Variants in MRAS observed in about 807,000 individuals in gnomAD.
The protein encoded by MRAS is ras-related protein M-Ras.
Under a neutral mutation model 20.9 loss-of-function variants are expected in MRAS, and 4 were observed. The observed-to-expected ratio is 0.19, with a 90% CI of 0.09 to 0.44. The LOEUF is 0.44. Among genes scored for constraint, MRAS ranks in the 20% least tolerant of loss-of-function variants. MRAS has a pLI of 0.99. For missense variants in MRAS, 154 were observed against 277.5 expected (o/e 0.56, Z 3.16); for synonymous variants, 98 against 102.9 (o/e 0.95, Z 0.29).
At chr3:138,400,415 C>CTTCTGTGGG in intron 4 of MRAS, 119 bp from the exon 5 acceptor site, 2 of 824,106 alleles carry the variant, frequency 2.4e-6, no homozygotes, top group Non-Finnish European at 4.1e-6. Flanking sequence ...GGGGCTGGGG[C>CTTCTGTGGG]TTCTGTGGGG....
chr3:138,376,091 T>A (rs543709421), intron 2 of MRAS, among the ~76,000 whole-genome samples: 1 of 152,232 alleles, frequency 6.6e-6, no homozygotes, highest in Non-Finnish European at 1.5e-5. Flanking sequence ...TGTATCTCAA[T>A]TTTAAAAAGC....
At chr3:138,371,205 G>A (rs1207454662) in intron 1 of MRAS, among the ~76,000 whole-genome samples, 1 of 152,172 alleles carries the variant, frequency 6.6e-6, no homozygotes. Flanking sequence ...AGCAAAGCTT[G>A]TACTTCTCCG....
chr3:138,394,294 C>T (rs6791607), intron 2 of MRAS, among the ~76,000 whole-genome samples: 19 of 152,156 alleles, frequency 1.2e-4, no homozygotes, highest in African/African-American at 4.1e-4. Context: ...CCCCTCATTT[C>T]CTACATGAGA....
At chr3:138,380,387 A>G (rs930789824) in intron 2 of MRAS, among the ~76,000 whole-genome samples, 1 of 151,834 alleles carries the variant, frequency 6.6e-6, no homozygotes, top group African/African-American at 2.4e-5. Flanking sequence ...ATCTCGGTTC[A>G]CTGCAACCTC....
intron 1 of MRAS, among the ~76,000 whole-genome samples, chr3:138,370,455 A>G (rs2054651140): frequency 3.3e-5 from 5 of 152,132 alleles, no homozygotes; most frequent in Admixed American, 3.3e-4. Flanking sequence ...GAGAGAGGCC[A>G]CTGGGCCACC....
chr3:138,367,116 G>A (rs557704869), intron 1 of MRAS, among the ~76,000 whole-genome samples: 53 of 152,300 alleles, frequency 3.5e-4, no homozygotes, highest in African/African-American at 1.3e-3. Context: ...GTCCTATGCA[G>A]TGTGGATGCC....
intron 4 of MRAS, 25 bp from the exon 5 acceptor site, chr3:138,400,509 G>T: frequency 1.3e-6 from 2 of 1,589,162 alleles, no homozygotes; most frequent in South Asian, 2.2e-5. Context: ...GTGCCACTTT[G>T]ATCAAGTTGA....
At chr3:138,373,782 G>A (rs2054723013) in intron 2 of MRAS, among the ~76,000 whole-genome samples, 2 of 152,290 alleles carry the variant, frequency 1.3e-5, no homozygotes, top group African/African-American at 4.8e-5. Flanking sequence ...TCTAGATTTT[G>A]ATTGGGATTG....
chr3:138,400,444 G>A, intron 4 of MRAS, 90 bp from the exon 5 acceptor site: 2 of 1,204,770 alleles, frequency 1.7e-6, no homozygotes, highest in Non-Finnish European at 1.2e-6. Context: ...AAGCACCTGG[G>A]TTCCTCAGAA....
intron 3 of MRAS, 49 bp downstream of exon 3, chr3:138,397,526 C>T: frequency 6.3e-7 from 1 of 1,598,648 alleles, no homozygotes. Flanking sequence ...CTGCGCCTGC[C>T]TCCTAGGGCG....
rs1343820226 is a variant in MRAS at position 138,402,580 on chromosome 3, C to G, written c.*311C>G. 1 of 333,312 alleles carries G rather than the reference C, an allele frequency of 3.0e-6. No homozygotes were observed. The highest frequency in any genetic ancestry group is 5.5e-6 in the Non-Finnish European group (1 of 182,486). The allele number at this position is 333,312 out of a possible 1,614,324, so 20.6% of individuals were successfully genotyped here. On this transcript the variant is annotated 3_prime_UTR_variant, in exon 6 of 6. Coordinates refer to ENST00000423968, the MANE Select transcript of MRAS (RefSeq NM_001085049.3). ...TCGGTGGGTGTGTTGTTTATTGTAA[C>G]TACATAGTGTTGGTTTGATGTGGAA...
chr3:138,386,779 G>C (rs115196675), intron 2 of MRAS, among the ~76,000 whole-genome samples: 1 of 152,130 alleles, frequency 6.6e-6, no homozygotes, highest in East Asian at 1.9e-4. Context: ...CACCGCGTTC[G>C]GCCATATACT....
At chr3:138,352,995 A>G (rs1490367616) in intron 1 of MRAS, among the ~76,000 whole-genome samples, 1 of 152,172 alleles carries the variant, frequency 6.6e-6, no homozygotes, top group East Asian at 1.9e-4. Context: ...GAAGACCACT[A>G]CCAGTATTCA....
At chr3:138,395,717 A>G (rs964044673) in intron 2 of MRAS, among the ~76,000 whole-genome samples, 1 of 152,084 alleles carries the variant, frequency 6.6e-6, no homozygotes, top group African/African-American at 2.4e-5. Context: ...ACAGCCATTC[A>G]TTTGTTGATC....
In MRAS at chr3:138,356,167, C is replaced by A. The variant is rs2054330037; in HGVS notation, c.-19+7400C>A. On this transcript the variant is annotated intron_variant, in intron 1 of 5. Coordinates refer to ENST00000423968, the MANE Select transcript of MRAS (RefSeq NM_001085049.3). ...ACTTACAGGCATACCTTTTTAAAGACAAGTTTGGGTTTAAAAAGAAACTAC... is the reference window on the plus strand; with the variant it reads ...ACTTACAGGCATACCTTTTTAAAGAAAAGTTTGGGTTTAAAAAGAAACTAC... Among the ~76,000 whole-genome samples the A allele has an allele frequency of 2.0e-5, 3 of 152,170 alleles. No individual in the cohort carries two copies. The South Asian group carries it at 6.2e-4, about 31-fold the overall frequency.
chr3:138,398,636 A>T, intron 4 of MRAS, 68 bp downstream of exon 4: 1 of 1,378,964 alleles, frequency 7.3e-7, no homozygotes, highest in Non-Finnish European at 1.0e-6. Context: ...TCACCCCTGC[A>T]GTCCTGGTCT....
chr3:138,348,903 T>G (rs1391644347), intron 1 of MRAS, 136 bp downstream of exon 1: 1 of 152,048 alleles, frequency 6.6e-6, no homozygotes, highest in Non-Finnish European at 1.5e-5. Context: ...GGGTGCGCCC[T>G]GGGACCGGCT....
chr3:138,361,182 G>A (rs1471066881), intron 1 of MRAS, among the ~76,000 whole-genome samples: 1 of 152,194 alleles, frequency 6.6e-6, no homozygotes, highest in Non-Finnish European at 1.5e-5. Flanking sequence ...GTTTCTGGGG[G>A]ATAGGACCTG....
At position 138,372,867 on chromosome 3, in the gene MRAS, T is replaced by A; in HGVS notation, c.-17T>A. On this transcript the variant is annotated splice_region_variant and 5_prime_UTR_variant, in exon 2 of 6. Transcript: ENST00000423968. ...ATTCCACATGTCTTGCTGCCGCAGG[T>A]CTGACCTACGAGAAACATGGCAACC... 1.3e-6 allele frequency: 2 copies of A among 1,518,908 alleles called. No individual in the cohort carries two copies. The highest frequency in any genetic ancestry group is 1.7e-6 in the Non-Finnish European group (2 of 1,144,290). 94.1% of individuals were successfully genotyped at this position (1,518,908 alleles called of 1,614,324 possible).
Sources: gnomAD v4.1 joint callset for allele counts (sites outside exome capture counted in the v4.1 genomes callset) on GRCh38, gnomAD v4.1.1 for gene constraint, MANE v1.5 for transcripts, NCBI Gene and HGNC (gene_info 2026-07-23, HGNC 2026-07-21) for gene names.